ZNF536: variants seen among roughly 807,000 people sequenced by gnomAD.
ZNF536 encodes the protein zinc finger protein 536.
Under a neutral mutation model 84.5 loss-of-function variants are expected in ZNF536, and 13 were observed. The observed-to-expected ratio is 0.15, with a 90% CI of 0.10 to 0.24. ZNF536 has a LOEUF of 0.24. Among genes scored for constraint, ZNF536 ranks in the 10% least tolerant of loss-of-function variants. The pLI is 1.00. For missense variants in ZNF536, 1,536 were observed against 1,747.5 expected, an observed-to-expected ratio of 0.88 and a Z score of 2.16; for synonymous variants, 811 against 742.5, an observed-to-expected ratio of 1.09 and a Z score of -1.50.
intron 1 of ZNF536, among the ~76,000 whole-genome samples, chr19:30,407,779 T>C (rs2050322265): frequency 6.6e-6 from 1 of 152,244 alleles, no homozygotes; most frequent in Non-Finnish European, 1.5e-5. Flanking sequence ...AATGTATTCT[T>C]CTGCACCCTT....
chr19:30,498,742 C>T (rs1363225162), intron 2 of ZNF536, among the ~76,000 whole-genome samples: 3 of 152,170 alleles, frequency 2.0e-5, no homozygotes, highest in African/African-American at 7.2e-5. Flanking sequence ...TCACTTGGTC[C>T]TTGTTGTCTG....
Position 30,353,467 on chromosome 19 carries a change from G to C in ZNF536, c.-3+983G>C, listed in dbSNP as rs181342174. Among the ~76,000 whole-genome samples, 262 of 152,140 alleles carry C rather than the reference G, an allele frequency of 1.7e-3. 4 individuals carry two copies. The highest frequency in any genetic ancestry group is 0.017 in the South Asian group (82 of 4,812). ...GTCAGTTTCTTGGTGGGTGTATTTCGTGTTAAGAAAAAGGAACAGCGAACA... is the reference window on the plus strand; with the variant it reads ...GTCAGTTTCTTGGTGGGTGTATTTCCTGTTAAGAAAAAGGAACAGCGAACA... On this transcript the variant is annotated intron_variant, in intron 3 of 5. Coordinates refer to the ZNF536 transcript ENST00000585628.
chr19:30,395,086 T>A (rs1001199361), intron 1 of ZNF536, among the ~76,000 whole-genome samples: 2 of 152,222 alleles, frequency 1.3e-5, no homozygotes, highest in African/African-American at 4.8e-5. Context: ...CTGAATGAAG[T>A]TCTAGTCTTC....
intron 2 of ZNF536, among the ~76,000 whole-genome samples, chr19:30,302,153 G>T (rs139044576): frequency 1.3e-5 from 2 of 152,332 alleles, no homozygotes; most frequent in Non-Finnish European, 2.9e-5. Flanking sequence ...TCTAAAATAG[G>T]ATGCATGGAG....
downstream of ZNF536, among the ~76,000 whole-genome samples, chr19:30,559,848 C>T (rs1311662528): frequency 6.6e-6 from 1 of 152,174 alleles, no homozygotes; most frequent in Non-Finnish European, 1.5e-5. Context: ...ACGGGATCTC[C>T]AAGCTGGAAG....
At chr19:30,326,791 CTTTT>C (rs869076590) in intron 2 of ZNF536, among the ~76,000 whole-genome samples, 11 of 51,974 alleles carry the variant, frequency 2.1e-4, no homozygotes, top group African/African-American at 5.4e-4. Flanking sequence ...TTATAAAAAG[CTTTT>C]TTTTTTTTTT....
At chr19:30,671,441 T>C (rs1215237095) in intron 1 of ZNF536, among the ~76,000 whole-genome samples, 1 of 152,200 alleles carries the variant, frequency 6.6e-6, no homozygotes, top group African/African-American at 2.4e-5. Context: ...GGAGAGAGAC[T>C]GTGGCCAGGT....
chr19:30,462,496 G>A (rs1462164111), intron 2 of ZNF536, among the ~76,000 whole-genome samples: 2 of 151,950 alleles, frequency 1.3e-5, no homozygotes, highest in African/African-American at 4.8e-5. Flanking sequence ...TGGCGTGTGT[G>A]TCTTGGGCTA....
chr19:30,633,315 A>T (rs1286228797), intron 1 of ZNF536, among the ~76,000 whole-genome samples: 1 of 152,220 alleles, frequency 6.6e-6, no homozygotes, highest in Non-Finnish European at 1.5e-5. Context: ...TTATATAATT[A>T]TGAGGTACAA....
intron 1 of ZNF536, among the ~76,000 whole-genome samples, chr19:30,691,500 G>A (rs545829328): frequency 6.6e-6 from 1 of 152,164 alleles, no homozygotes; most frequent in South Asian, 2.1e-4. Context: ...ACTCCGCTCC[G>A]TTTCAAGGCT....
rs375981037 is a variant in ZNF536, at chr19:30,536,577, G to A, written c.2323+1578G>A. ...GCAAGGGCACTTTACACCCAGTAGG[G>A]GCAGATGAATTTATCTGAAAGGTTG... On this transcript the variant is annotated intron_variant, in intron 3 of 4. Transcript: ENST00000355537. Among the ~76,000 whole-genome samples, 48 of 152,198 alleles carry A rather than the reference G, an allele frequency of 3.2e-4. 1 individual carries two copies. The South Asian group carries it at 9.8e-3, about 31-fold the overall frequency.
At chr19:30,358,978 A>G (rs1243372543) in intron 3 of ZNF536, among the ~76,000 whole-genome samples, 1 of 152,204 alleles carries the variant, frequency 6.6e-6, no homozygotes, top group East Asian at 1.9e-4. Context: ...TGGCAAATGC[A>G]TGGAGCTGAG....
chr19:30,492,523 G>T (rs557739421), intron 2 of ZNF536, among the ~76,000 whole-genome samples: 1 of 152,112 alleles, frequency 6.6e-6, no homozygotes, highest in Non-Finnish European at 1.5e-5. Flanking sequence ...TCCTTTGAAA[G>T]GTCAGATAGT....
upstream of ZNF536, among the ~76,000 whole-genome samples, chr19:30,371,801 AAT>A (rs111342822): frequency 0.025 from 3,756 of 147,754 alleles, 66 homozygotes; most frequent in African/African-American, 0.047. Flanking sequence ...ATATATAGAG[AAT>A]ATATATATAT....
At chr19:30,422,018 T>C (rs1021567673) in intron 1 of ZNF536, among the ~76,000 whole-genome samples, 4 of 152,304 alleles carry the variant, frequency 2.6e-5, no homozygotes, top group Admixed American at 6.5e-5. Flanking sequence ...ATTAAAAAAA[T>C]ATTAGCAGGG....
chr19:30,324,367 G>C (rs942992473), intron 2 of ZNF536, among the ~76,000 whole-genome samples: 2 of 152,116 alleles, frequency 1.3e-5, no homozygotes, highest in African/African-American at 2.4e-5. Context: ...CCACACTCCA[G>C]AGTGTCTTCC....
intron 3 of ZNF536, among the ~76,000 whole-genome samples, chr19:30,547,063 T>C (rs1467820825): frequency 6.6e-6 from 1 of 152,202 alleles, no homozygotes; most frequent in East Asian, 1.9e-4. Flanking sequence ...ATTTTTATTC[T>C]CTAGAAAGCG....
At chr19:30,369,069 G>A (rs1333356241), upstream of ZNF536, among the ~76,000 whole-genome samples, 1 of 152,206 alleles carries the variant, frequency 6.6e-6, no homozygotes, top group Non-Finnish European at 1.5e-5. Context: ...TGTCCACGCA[G>A]ACGCCACACT....
Position 30,443,666 on chromosome 19 carries a change from A to G in ZNF536, c.104A>G (p.Lys35Arg), listed in dbSNP as rs2148148128. The change falls in exon 2 of 5, where the codon AAG becomes AGG. Residue 35 changes from lysine (K) to arginine (R), a missense_variant. By Grantham distance (26) the Lys-to-Arg change is conservative (BLOSUM62 2). Transcript: ENST00000355537. Reference sequence around the variant, plus strand: ...AACGGCCAGTATGCCATGAGTCAGAAGCTGCACCAGATCACCTCCCAGCTC... The same window carrying G: ...AACGGCCAGTATGCCATGAGTCAGAGGCTGCACCAGATCACCTCCCAGCTC... ...VLNGQYAMSQ[K>R]LHQITSQLSH... The G allele has an allele frequency of 6.2e-7, 1 of 1,613,802 alleles. No individual in the cohort carries two copies. Among genetic ancestry groups the G allele is most frequent in the Non-Finnish European group, 8.5e-7 (1 of 1,179,972 alleles).
Sources: allele counts gnomAD v4.1 joint callset (sites outside exome capture counted in the v4.1 genomes callset), GRCh38; gene constraint gnomAD v4.1.1; transcripts MANE v1.5; gene names NCBI Gene and HGNC (gene_info 2026-07-23, HGNC 2026-07-21).